The following CSMD1 variants were observed in gnomAD, a reference collection of about 807,000 sequenced individuals.
CSMD1 encodes the protein CUB and sushi domain-containing protein 1.
A neutral mutation model predicts 417.5 loss-of-function variants in CSMD1; 213 were observed. The ratio of observed to expected loss-of-function variants is 0.51; its 90% confidence interval spans 0.46 to 0.57. CSMD1 has a LOEUF of 0.57. Ranked by LOEUF, CSMD1 falls within the 20% of genes least tolerant of loss-of-function variation. The pLI, the probability that CSMD1 is intolerant of heterozygous loss-of-function variation, is 0.00. For synonymous variants in CSMD1, 2,862 were observed against 1,736.8 expected (o/e 1.65, Z -16.11); for missense variants, 6,923 against 4,529.7 (o/e 1.53, Z -15.17).
chr8:4,921,674 G>T (rs1201014678), intron 1 of CSMD1, among the ~76,000 whole-genome samples: 2 of 152,178 alleles, frequency 1.3e-5, no homozygotes, highest in Non-Finnish European at 2.9e-5. Flanking sequence ...ATGGGTGTGT[G>T]TGTGTCGGTC....
At chr8:4,185,995 T>G (rs1178502267) in intron 3 of CSMD1, among the ~76,000 whole-genome samples, 1 of 152,198 alleles carries the variant, frequency 6.6e-6, no homozygotes, top group Non-Finnish European at 1.5e-5. Flanking sequence ...TCCACCTATG[T>G]TTTGTTATGA....
intron 17 of CSMD1, among the ~76,000 whole-genome samples, chr8:3,394,504 C>T (rs953197830): frequency 6.6e-6 from 1 of 151,986 alleles, no homozygotes; most frequent in Non-Finnish European, 1.5e-5. Context: ...TCATCTACAG[C>T]TACAGAAATA....
At chr8:4,388,616 G>A (rs574143064) in intron 3 of CSMD1, among the ~76,000 whole-genome samples, 1 of 152,074 alleles carries the variant, frequency 6.6e-6, no homozygotes, top group Non-Finnish European at 1.5e-5. Flanking sequence ...TGCTCAGGTG[G>A]TGGGTGCACC....
At chr8:3,943,668 G>A (rs1051275802) in intron 5 of CSMD1, among the ~76,000 whole-genome samples, 1 of 151,998 alleles carries the variant, frequency 6.6e-6, no homozygotes, top group African/African-American at 2.4e-5. Context: ...GTCAACAGGG[G>A]TCCCCTGCTA....
chr8:4,441,840 G>C (rs188279209), intron 2 of CSMD1, among the ~76,000 whole-genome samples: 1 of 152,208 alleles, frequency 6.6e-6, no homozygotes, highest in African/African-American at 2.4e-5. Context: ...AGTAATAAAA[G>C]CATGAACGAA....
At chr8:3,623,284 T>C (rs1313224619) in intron 7 of CSMD1, among the ~76,000 whole-genome samples, 3 of 152,190 alleles carry the variant, frequency 2.0e-5, no homozygotes, top group African/African-American at 4.8e-5. Flanking sequence ...GTAAAGAAAA[T>C]TCTTCTTCAT....
In CSMD1 at chr8:2,973,100, G is replaced by A. The variant is rs780343361; in HGVS notation, c.8923+17C>T. The A allele has an allele frequency of 6.2e-6, 10 of 1,609,908 alleles. No individual in the cohort carries two copies. In the South Asian group the frequency reaches 8.8e-5, roughly 14 times the overall value. On this transcript the variant is annotated intron_variant, in intron 57 of 69. Coordinates refer to ENST00000635120, the MANE Select transcript of CSMD1 (RefSeq NM_033225.6). ...TTTTAACTTTCAAGGTGGACCTTAA[G>A]GCTTCTGGCTACTCACCCTCACACA...
Position 3,929,879 on chromosome 8 carries a change from C to T in CSMD1, c.818+68024G>A, listed in dbSNP as rs899143656. 1.4e-4 allele frequency among the ~76,000 whole-genome samples: 21 copies of T among 150,152 alleles called. 1 individual carries two copies. The highest frequency in any genetic ancestry group is 7.3e-4 in the Admixed American group (11 of 15,094). On this transcript the variant is annotated intron_variant, in intron 5 of 69. Transcript: ENST00000635120. ...GTTTCACCATATTGGTCCCGCTCAT[C>T]TCCAACCCCTGACCTCAGGTGATCT...
chr8:4,445,601 G>A (rs773808827), intron 2 of CSMD1, among the ~76,000 whole-genome samples: 1 of 152,134 alleles, frequency 6.6e-6, no homozygotes, highest in Admixed American at 6.5e-5. Flanking sequence ...AGAAAGAACT[G>A]TGTGTTCAGA....
At position 3,516,250 on chromosome 8, in the gene CSMD1, C is replaced by T. The variant is rs1040339901; in HGVS notation, c.1345-22524G>A. ...TGCAGCACTTGCAAAACCTAAGACT[C>T]ACCAGCTGTGCATAGGTATGGAGCT... On this transcript the variant is annotated intron_variant, in intron 10 of 69. Coordinates refer to ENST00000635120, the MANE Select transcript of CSMD1 (RefSeq NM_033225.6). Among the ~76,000 whole-genome samples, 12 of 152,344 alleles carry T rather than the reference C, an allele frequency of 7.9e-5. No individual in the cohort carries two copies. In the East Asian group the frequency reaches 2.1e-3, roughly 27 times the overall value.
intron 5 of CSMD1, among the ~76,000 whole-genome samples, chr8:3,774,699 G>A (rs1798805713): frequency 6.6e-6 from 1 of 152,100 alleles, no homozygotes; most frequent in African/African-American, 2.4e-5. Context: ...TAAGTGCAAA[G>A]GAATAACTTC....
At chr8:4,868,687 A>G (rs1169716378) in intron 1 of CSMD1, among the ~76,000 whole-genome samples, 1 of 152,038 alleles carries the variant, frequency 6.6e-6, no homozygotes, top group Non-Finnish European at 1.5e-5. Context: ...AACTAACAGT[A>G]TGGTGTCTTG....
At chr8:4,029,772 T>C (rs556796552) in intron 4 of CSMD1, among the ~76,000 whole-genome samples, 2 of 152,306 alleles carry the variant, frequency 1.3e-5, no homozygotes, top group South Asian at 4.1e-4. Context: ...CGAACTCTTA[T>C]CTGAGACAAA....
At chr8:4,477,734 C>A (rs1016748556) in intron 2 of CSMD1, among the ~76,000 whole-genome samples, 4 of 152,136 alleles carry the variant, frequency 2.6e-5, no homozygotes, top group Non-Finnish European at 5.9e-5. Flanking sequence ...TACCAAAAGC[C>A]ATTCTTGTCC....
At chr8:3,124,855 T>C (rs1211032431) in intron 41 of CSMD1, among the ~76,000 whole-genome samples, 2 of 152,232 alleles carry the variant, frequency 1.3e-5, no homozygotes, top group Non-Finnish European at 2.9e-5. Context: ...CCATGGCTCA[T>C]TTCAGAATTA....
chr8:3,433,675 T>C (rs917456335), intron 12 of CSMD1, among the ~76,000 whole-genome samples: 1 of 152,200 alleles, frequency 6.6e-6, no homozygotes, highest in African/African-American at 2.4e-5. Context: ...GATGCTTCTC[T>C]CTTAGTGGAA....
chr8:4,423,467 G>C, intron 2 of CSMD1, among the ~76,000 whole-genome samples: 1 of 151,994 alleles, frequency 6.6e-6, no homozygotes, highest in East Asian at 1.9e-4. Flanking sequence ...ACAGCTCAAA[G>C]AAAAGCTTCT....
chr8:4,359,105 G>C (rs1402299141), intron 3 of CSMD1, among the ~76,000 whole-genome samples: 2 of 152,084 alleles, frequency 1.3e-5, no homozygotes, highest in Non-Finnish European at 2.9e-5. Flanking sequence ...ATAAATGCAG[G>C]AATACTAGGG....
chr8:3,538,908 T>C (rs1399661738), intron 10 of CSMD1, among the ~76,000 whole-genome samples: 1 of 152,188 alleles, frequency 6.6e-6, no homozygotes, highest in Non-Finnish European at 1.5e-5. Flanking sequence ...CTACACACCA[T>C]GCTGCACACA....
Sources: gnomAD v4.1 joint callset for allele counts (sites outside exome capture counted in the v4.1 genomes callset) on GRCh38, gnomAD v4.1.1 for gene constraint, MANE v1.5 for transcripts, NCBI Gene and HGNC (gene_info 2026-07-23, HGNC 2026-07-21) for gene names.